ACTR2: variants seen among roughly 807,000 people sequenced by gnomAD.
ACTR2 encodes the protein actin related protein 2.
ACTR2 carries 5 observed loss-of-function variants against 50.2 expected under a neutral mutation model. The observed-to-expected ratio is 0.10, with a 90% CI of 0.05 to 0.21. ACTR2 has a LOEUF of 0.21. Ranked by LOEUF, ACTR2 falls within the 10% of genes least tolerant of loss-of-function variation. The probability of loss-of-function intolerance (pLI) is 1.00; values close to 1 mark genes in which losing one functional copy is unlikely to be tolerated. For synonymous variants in ACTR2, 140 were observed against 162.9 expected (o/e 0.86, Z 1.07); for missense variants, 180 against 480.6 (o/e 0.37, Z 5.85).
At chr2:65,268,377 T>TC (rs1274919934) in intron 8 of ACTR2, among the ~76,000 whole-genome samples, 187 bp from the exon 9 acceptor site, 2 of 152,070 alleles carry the variant, frequency 1.3e-5, no homozygotes, top group African/African-American at 4.8e-5. Context: ...GGATGTGTGG[T>TC]CTCCTAAACA....
chr2:65,270,437 C>G lies in ACTR2; in HGVS notation c.*1703C>G, dbSNP rs268878. On this transcript the variant is annotated 3_prime_UTR_variant, in exon 9 of 9. Coordinates refer to ENST00000260641, the MANE Select transcript of ACTR2 (RefSeq NM_005722.4). ...TGCATGCTGGACATGCCTCAGAACC[C>G]TGAATAGCCCGTACTAGATCTTGGG... is the stretch of plus-strand genomic sequence containing the variant. 1 of 152,522 alleles carries G rather than the reference C, an allele frequency of 6.6e-6. No homozygotes were observed. The allele number at this position is 152,522 out of a possible 1,614,324, so 9.4% of individuals were successfully genotyped here. A position where few individuals can be genotyped will look rare whatever the true frequency, so the allele number is the denominator to read the frequency against.
intron 3 of ACTR2, among the ~76,000 whole-genome samples, chr2:65,248,198 G>A (rs1477112918): frequency 1.3e-5 from 2 of 152,050 alleles, no homozygotes; most frequent in Non-Finnish European, 2.9e-5. Context: ...TCAAGAGTTC[G>A]AGACCAGCCT....
At chr2:65,256,624 C>T (rs969932469) in intron 6 of ACTR2, among the ~76,000 whole-genome samples, 5 of 152,134 alleles carry the variant, frequency 3.3e-5, no homozygotes, top group African/African-American at 2.4e-5. Flanking sequence ...GTAATCCCAG[C>T]ACTTTGGGAG....
Position 65,253,816 on chromosome 2 carries a change from C to G in ACTR2, c.537C>G (p.Thr179=), listed in dbSNP as rs1160094465. Residue 179 remains threonine (T), a synonymous_variant, in exon 5 of 9, where the codon ACC becomes ACG. Transcript: ENST00000260641. ...AAGGCTTTTCTCTCCCTCATCTTACCAGGAGACTGGATATTGCTGGGAGGG... is the reference window on the plus strand; with the variant it reads ...AAGGCTTTTCTCTCCCTCATCTTACGAGGAGACTGGATATTGCTGGGAGGG... ...VYEGFSLPHL[T]RRLDIAGRDI... 9.9e-6 allele frequency: 16 copies of G among 1,613,022 alleles called. No homozygotes were observed. Among genetic ancestry groups the G allele is most frequent in the Non-Finnish European group, 1.3e-5 (15 of 1,179,208 alleles).
chr2:65,246,023 TTA>T (rs1484987990), intron 2 of ACTR2, among the ~76,000 whole-genome samples: 7 of 152,136 alleles, frequency 4.6e-5, no homozygotes, highest in Admixed American at 2.6e-4. Flanking sequence ...GTATGCATTA[TTA>T]TAGAGTAATA....
intron 7 of ACTR2, 114 bp downstream of exon 7, chr2:65,261,506 T>C (rs1672267934): frequency 1.9e-6 from 2 of 1,061,640 alleles, no homozygotes; most frequent in Non-Finnish European, 1.3e-6. Context: ...TTTATAAACT[T>C]ACTTGAAATA....
intron 6 of ACTR2, among the ~76,000 whole-genome samples, chr2:65,258,993 A>G (rs919332978): frequency 2.0e-5 from 3 of 151,718 alleles, no homozygotes; most frequent in Non-Finnish European, 4.4e-5. Flanking sequence ...GTTTTGAGAC[A>G]GGGTTTCCTC....
chr2:65,261,437 A>G, intron 7 of ACTR2, 45 bp downstream of exon 7: 2 of 1,540,812 alleles, frequency 1.3e-6, no homozygotes, highest in South Asian at 1.2e-5. Context: ...CAGAAAAATC[A>G]TAAAAATAGT....
intron 2 of ACTR2, chr2:65,242,676 T>TC (rs11386253): frequency 0.011 from 5,820 of 509,408 alleles, 308 homozygotes; most frequent in African/African-American, 0.1. Flanking sequence ...ACAACAGATT[T>TC]CCCCCCCAAA....
At chr2:65,251,141 A>T (rs1672041663) in intron 4 of ACTR2, 42 bp downstream of exon 4, 1 of 1,364,766 alleles carries the variant, frequency 7.3e-7, no homozygotes, top group East Asian at 2.4e-5. Context: ...TTCATCAAAC[A>T]TTTATTATGT....
chr2:65,233,603 T>A (rs72892647), intron 1 of ACTR2, among the ~76,000 whole-genome samples: 2,071 of 151,996 alleles, frequency 0.014, 61 homozygotes, highest in African/African-American at 0.045. Flanking sequence ...ATTTTTTTTT[T>A]AATTATTTTA....
intron 6 of ACTR2, among the ~76,000 whole-genome samples, chr2:65,260,839 C>T (rs995781226): frequency 2.7e-4 from 40 of 150,872 alleles, no homozygotes; most frequent in African/African-American, 2.4e-5. Context: ...ACGCCATTCT[C>T]CTGCCTCAGC....
chr2:65,260,360 T>C (rs1280229376), intron 6 of ACTR2, among the ~76,000 whole-genome samples: 1 of 152,126 alleles, frequency 6.6e-6, no homozygotes, highest in East Asian at 1.9e-4. Context: ...TACAAAAATA[T>C]GCTGGCGTGG....
intron 6 of ACTR2, among the ~76,000 whole-genome samples, chr2:65,260,879 C>T (rs1289413491): frequency 5.9e-5 from 9 of 151,726 alleles, no homozygotes; most frequent in Non-Finnish European, 1.0e-4. Context: ...TATAGGCGCC[C>T]GCCACCACAC....
chr2:65,261,604 GTTC>G (rs1672269434), intron 7 of ACTR2, among the ~76,000 whole-genome samples: 1 of 152,128 alleles, frequency 6.6e-6, no homozygotes, highest in South Asian at 2.1e-4. Flanking sequence ...TAATTCTAAT[GTTC>G]TTCATGTTTG....
chr2:65,256,727 C>A (rs1052802969), intron 6 of ACTR2, among the ~76,000 whole-genome samples: 5 of 152,016 alleles, frequency 3.3e-5, no homozygotes, highest in African/African-American at 1.2e-4. Flanking sequence ...AAAAAATTAG[C>A]TGGGCAAGGT....
At chr2:65,242,539 TA>T in intron 2 of ACTR2, 1 of 407,446 alleles carries the variant, frequency 2.5e-6, no homozygotes, top group Non-Finnish European at 4.8e-6. Context: ...ATAAACTGAG[TA>T]AAATTTTAAT....
intron 2 of ACTR2, 25 bp downstream of exon 2, chr2:65,239,987 G>C: frequency 1.4e-6 from 2 of 1,422,592 alleles, no homozygotes; most frequent in Non-Finnish European, 2.0e-6. Flanking sequence ...ATTGATAAAT[G>C]ATAATCAAGA....
At chr2:65,251,664 C>G (rs1047873392) in intron 4 of ACTR2, among the ~76,000 whole-genome samples, 2 of 151,918 alleles carry the variant, frequency 1.3e-5, no homozygotes, top group East Asian at 1.9e-4. Flanking sequence ...CCTGGCATAG[C>G]TATTTTAATT....
Sources: gnomAD v4.1 joint callset for allele counts (sites outside exome capture counted in the v4.1 genomes callset) on GRCh38, gnomAD v4.1.1 for gene constraint, MANE v1.5 for transcripts, NCBI Gene and HGNC (gene_info 2026-07-23, HGNC 2026-07-21) for gene names.